CKAP2L: variants seen among roughly 807,000 people sequenced by gnomAD.
The protein encoded by CKAP2L is cytoskeleton-associated protein 2-like.
In CKAP2L, 42 loss-of-function variants were observed where a neutral mutation model predicts 65.7. That is an observed-to-expected ratio of 0.64 (90% CI 0.50 to 0.83). The LOEUF (loss-of-function observed/expected upper bound fraction) is 0.83, where lower values mean the gene tolerates loss of function less well. Ranked by LOEUF, CKAP2L falls within the 40% of genes least tolerant of loss-of-function variation. The pLI is 0.00. For synonymous variants in CKAP2L, 325 were observed against 313.5 expected (o/e 1.04, Z -0.39); for missense variants, 908 against 871.0 (o/e 1.04, Z -0.53).
rs986283856 is a variant in CKAP2L, at chr2:112,738,680, G to C, written c.*143C>G. On this transcript the variant is annotated 3_prime_UTR_variant, in exon 9 of 9. Coordinates refer to ENST00000302450, the MANE Select transcript of CKAP2L (RefSeq NM_152515.5). ...TCCCATGGGGAGAGAAAATTTGAGA[G>C]TAAGCCCAGTGAATTACTTAAGTCC... The C allele has an allele frequency of 1.8e-5, 11 of 625,674 alleles. No homozygotes were observed. Among genetic ancestry groups the C allele is most frequent in the Non-Finnish European group, 3.1e-5 (11 of 354,890 alleles). The allele number at this position is 625,674 out of a possible 1,614,324, so 38.8% of individuals were successfully genotyped here.
Position 112,736,540 on chromosome 2 carries a change from C to T in CKAP2L, c.*2283G>A, listed in dbSNP as rs1013127535. ...TAATACAATTGTATTAACTTTAGCC[C>T]TATCTCTAGACTTGTTCATTTTATC... On this transcript the variant is annotated 3_prime_UTR_variant, in exon 9 of 9. Coordinates refer to ENST00000302450, the MANE Select transcript of CKAP2L (RefSeq NM_152515.5). 2.0e-5 allele frequency: 3 copies of T among 152,148 alleles called. No individual in the cohort carries two copies. Among genetic ancestry groups the T allele is most frequent in the African/African-American group, 7.2e-5 (3 of 41,420 alleles). 9.4% of individuals were successfully genotyped at this position (152,148 alleles called of 1,614,324 possible).
In CKAP2L at chr2:112,746,557, T is replaced by C. The variant is rs750566749; in HGVS notation, c.1621A>G (p.Ile541Val). 9.3e-6 allele frequency: 15 copies of C among 1,611,028 alleles called. No individual in the cohort carries two copies. The highest frequency in any genetic ancestry group is 1.7e-4 in the Middle Eastern group (1 of 6,048). The change falls in exon 6 of 9, where the codon ATA becomes GTA. Residue 541 changes from isoleucine to valine, a missense_variant. Transcript: ENST00000302450. Reference protein sequence around the residue: ...LIEGGVPSNEILNILSSIPEA... With the variant: ...LIEGGVPSNEVLNILSSIPEA... Reference sequence around the variant, plus strand: ...GGAATGCTGGACAATATGTTAAGTATTTCATTAGAAGGTACACCCTGAAAT... The same window carrying C: ...GGAATGCTGGACAATATGTTAAGTACTTCATTAGAAGGTACACCCTGAAAT...
At chr2:112,744,173 A>G (rs1041764824) in intron 6 of CKAP2L, among the ~76,000 whole-genome samples, 2 of 151,952 alleles carry the variant, frequency 1.3e-5, no homozygotes, top group Admixed American at 6.5e-5. Flanking sequence ...GGTGGATTAA[A>G]TATACGTTTA....
intron 5 of CKAP2L, among the ~76,000 whole-genome samples, chr2:112,749,711 G>A (rs536889057): frequency 6.6e-6 from 1 of 152,162 alleles, no homozygotes; most frequent in Non-Finnish European, 1.5e-5. Context: ...ATTTAGAAAT[G>A]AACAATGACA....
intron 3 of CKAP2L, among the ~76,000 whole-genome samples, chr2:112,759,567 G>T (rs1289447724): frequency 6.6e-6 from 1 of 152,126 alleles, no homozygotes; most frequent in Non-Finnish European, 1.5e-5. Context: ...AAGCCTCTGG[G>T]AAGTCTGAAT....
At chr2:112,764,292 G>A (rs1374933849) in intron 1 of CKAP2L, among the ~76,000 whole-genome samples, 1 of 152,214 alleles carries the variant, frequency 6.6e-6, no homozygotes, top group Non-Finnish European at 1.5e-5. Flanking sequence ...TCCGGAACGT[G>A]GTGACAATGA....
intron 5 of CKAP2L, among the ~76,000 whole-genome samples, chr2:112,748,866 TA>T (rs200133244): frequency 0.023 from 3,141 of 134,388 alleles, 46 homozygotes; most frequent in African/African-American, 0.061. Context: ...CCCTGTCTCT[TA>T]AAAAAAAAAA....
intron 5 of CKAP2L, among the ~76,000 whole-genome samples, chr2:112,746,819 GCT>G (rs57162307): frequency 0.014 from 2,080 of 151,588 alleles, 43 homozygotes; most frequent in African/African-American, 0.048. Flanking sequence ...ATGGAGTCTT[GCT>G]CTGTCGTCCA....
chr2:112,758,765 T>C (rs1469918911), intron 3 of CKAP2L, among the ~76,000 whole-genome samples: 1 of 152,178 alleles, frequency 6.6e-6, no homozygotes, highest in Non-Finnish European at 1.5e-5. Context: ...AAATTCACCA[T>C]TTTAGTAAGT....
rs768570035 is a variant in CKAP2L, at chr2:112,752,226, A to G, written c.1602+41T>C. On this transcript the variant is annotated intron_variant, in intron 5 of 8. Coordinates refer to ENST00000302450, the MANE Select transcript of CKAP2L (RefSeq NM_152515.5). ...TAGGAATATGTTTAAAAATTATAAG[A>G]CTTTGGGCCAAAGCTGGAGGAGCTT... The G allele has an allele frequency of 4.1e-6, 6 of 1,446,344 alleles. No individual in the cohort carries two copies. In the Admixed American group the frequency reaches 1.1e-4, roughly 27 times the overall value. The allele number at this position is 1,446,344 out of a possible 1,614,324, so 89.6% of individuals were successfully genotyped here.
At position 112,746,548 on chromosome 2, in the gene CKAP2L, T is replaced by A; in HGVS notation, c.1630A>T (p.Ile544Leu). 6.2e-7 allele frequency: 1 copy of A among 1,611,842 alleles called. No homozygotes were observed. Among genetic ancestry groups the A allele is most frequent in the Non-Finnish European group, 8.5e-7 (1 of 1,178,374 alleles). ...TCAGCTTCAGGAATGCTGGACAATATGTTAAGTATTTCATTAGAAGGTACA... is the reference window on the plus strand; with the variant it reads ...TCAGCTTCAGGAATGCTGGACAATAAGTTAAGTATTTCATTAGAAGGTACA... ...GGVPSNEILN[I>L]LSSIPEAEKF... The change falls in exon 6 of 9, where the codon ATA (isoleucine) becomes TTA (leucine). Residue 544 changes from isoleucine (I) to leucine (L), a missense_variant. Coordinates refer to ENST00000302450, the MANE Select transcript of CKAP2L (RefSeq NM_152515.5).
rs554363912 is a variant in CKAP2L at position 112,756,499 on chromosome 2, G to A, written c.872C>T (p.Ser291Leu). 6.2e-7 allele frequency: 1 copy of A among 1,609,046 alleles called. No individual in the cohort carries two copies. Among genetic ancestry groups the A allele is most frequent in the East Asian group, 2.2e-5 (1 of 44,866 alleles). The change falls in exon 4 of 9, where the codon TCA becomes TTA. Residue 291 changes from serine to leucine, a missense_variant. Coordinates refer to ENST00000302450, the MANE Select transcript of CKAP2L (RefSeq NM_152515.5). ...GTTCTTGACTACTGGTTTCTTTGAT[G>A]ACTGAACTTTACTAAGGGTCCGAAT... ...HFIRTLSKVQ[S>L]SKKPVVKNIK...
At chr2:112,760,205 T>C (rs897928351) in intron 3 of CKAP2L, among the ~76,000 whole-genome samples, 1 of 152,226 alleles carries the variant, frequency 6.6e-6, no homozygotes, top group Non-Finnish European at 1.5e-5. Context: ...AAGCATATAC[T>C]TGTTAAGTGG....
rs779860307 is a variant in CKAP2L, at chr2:112,757,217, GA to G, written c.157-4del. 1.3e-5 allele frequency: 20 copies of G among 1,557,786 alleles called. No individual in the cohort carries two copies. The highest frequency in any genetic ancestry group is 1.3e-5 in the Non-Finnish European group (15 of 1,153,014). On this transcript the variant is annotated splice_region_variant and splice_polypyrimidine_tract_variant and intron_variant, in intron 3 of 8. Transcript: ENST00000302450. The stretch of plus-strand genomic sequence containing the variant: ...ACATCATTTTTGGGTCTAATAGTCT[GA>G]AAAAACAAAGAAAATACATATTAAA...
At chr2:112,753,234 G>A (rs1433333890) in intron 4 of CKAP2L, among the ~76,000 whole-genome samples, 1 of 152,192 alleles carries the variant, frequency 6.6e-6, no homozygotes, top group Non-Finnish European at 1.5e-5. Flanking sequence ...CCACCGCCTA[G>A]TTGATATCTT....
intron 7 of CKAP2L, among the ~76,000 whole-genome samples, chr2:112,741,248 G>C (rs1432592732): frequency 6.6e-6 from 1 of 151,966 alleles, no homozygotes; most frequent in Admixed American, 6.6e-5. Context: ...GCTGTACGTA[G>C]ATTCTTGACA....
Position 112,761,648 on chromosome 2 carries a change from C to A in CKAP2L, c.104+855G>T, listed in dbSNP as rs1197950362. ...AGAGGTGAATTTAGAAGGAATCAAT[C>A]TGCATGGACCAAAAACAATTGCTAG... On this transcript the variant is annotated intron_variant, in intron 2 of 8. Transcript: ENST00000302450. Among the ~76,000 whole-genome samples, 8 of 151,550 alleles carry A rather than the reference C, an allele frequency of 5.3e-5. No individual in the cohort carries two copies. The East Asian group carries it at 1.5e-3, about 29-fold the overall frequency.
rs1366620010 is a variant in CKAP2L, at chr2:112,740,905, C to T, written c.1925G>A (p.Arg642Lys). The T allele has an allele frequency of 6.2e-7, 1 of 1,613,980 alleles. No individual in the cohort carries two copies. The highest frequency in any genetic ancestry group is 1.7e-5 in the Admixed American group (1 of 60,014). The change falls in exon 8 of 9, where the codon AGG (arginine) becomes AAG (lysine). Residue 642 changes from arginine to lysine, a missense_variant. By Grantham distance (26) the Arg-to-Lys change is conservative. Coordinates refer to ENST00000302450, the MANE Select transcript of CKAP2L (RefSeq NM_152515.5). ...TCGGGGTGTCGCCGTGACTTGTTCC[C>T]TCTCTTTTGGAGAAAGACAAGACTT... ...SVKSCLSPKEREQVTATPRIA... is the reference protein window; with the variant it reads ...SVKSCLSPKEKEQVTATPRIA...
intron 7 of CKAP2L, chr2:112,742,481 G>C (rs1460445661): frequency 1.4e-6 from 1 of 718,124 alleles, no homozygotes; most frequent in South Asian, 1.5e-5. Flanking sequence ...CTCCAGTCTA[G>C]GCTGTTTTGG....
Sources: allele counts gnomAD v4.1 joint callset (sites outside exome capture counted in the v4.1 genomes callset), GRCh38; gene constraint gnomAD v4.1.1; transcripts MANE v1.5; gene names NCBI Gene and HGNC (gene_info 2026-07-23, HGNC 2026-07-21).